Variants in TBC1D19 observed in about 807,000 individuals in gnomAD.
TBC1D19 encodes the protein TBC1 domain family member 19, also known as TBC1 domain family, member 19.
Under a neutral mutation model 89.0 loss-of-function variants are expected in TBC1D19, and 60 were observed. That is an observed-to-expected ratio of 0.67 (90% CI 0.55 to 0.84). TBC1D19 has a LOEUF of 0.84. TBC1D19 is among the 40% of genes least tolerant of loss of function. The pLI is 0.00. For synonymous variants in TBC1D19, 189 were observed against 199.7 expected, an observed-to-expected ratio of 0.95 and a Z score of 0.45; for missense variants, 500 against 610.8, an observed-to-expected ratio of 0.82 and a Z score of 1.91.
chr4:26,811,773 A>G, the TBC1D19 span, among the ~76,000 whole-genome samples: 1 of 152,214 alleles, frequency 6.6e-6, no homozygotes, highest in African/African-American at 2.4e-5. Flanking sequence ...ACTTCCTGAC[A>G]TTGCCATGGC....
chr4:26,765,360 G>T, the TBC1D19 span, among the ~76,000 whole-genome samples: 1 of 151,610 alleles, frequency 6.6e-6, no homozygotes, highest in Non-Finnish European at 1.5e-5. Flanking sequence ...TTTTAGTTAA[G>T]TGAGACTGTG....
chr4:26,690,789 G>C (rs1714205708), intron 13 of TBC1D19, among the ~76,000 whole-genome samples: 2 of 152,204 alleles, frequency 1.3e-5, no homozygotes, highest in Middle Eastern at 3.2e-3. Context: ...TGTACAAGGA[G>C]ATAAATGTTG....
chr4:26,736,614 TA>T (rs1357615110), intron 16 of TBC1D19, among the ~76,000 whole-genome samples: 1 of 152,242 alleles, frequency 6.6e-6, no homozygotes, highest in Non-Finnish European at 1.5e-5. Context: ...AAACTAGAGA[TA>T]CATATTAATA....
At chr4:26,777,035 G>C in the TBC1D19 span, among the ~76,000 whole-genome samples, 1 of 151,868 alleles carries the variant, frequency 6.6e-6, no homozygotes, top group Non-Finnish European at 1.5e-5. Flanking sequence ...TATAGTTGCA[G>C]AATTTATTTT....
chr4:26,584,173 T>A lies in TBC1D19; in HGVS notation c.-21T>A. ...GCGCCGGCGGCCTGTCCCCGCGGCTTGGCGGGCTAGGGCAGGGGAAATGTT... is the reference window on the plus strand; with the variant it reads ...GCGCCGGCGGCCTGTCCCCGCGGCTAGGCGGGCTAGGGCAGGGGAAATGTT... On this transcript the variant is annotated 5_prime_UTR_variant, in exon 1 of 21. Coordinates refer to ENST00000264866, the MANE Select transcript of TBC1D19 (RefSeq NM_018317.4). 6.2e-7 allele frequency: 1 copy of A among 1,602,744 alleles called. No individual in the cohort carries two copies. The highest frequency in any genetic ancestry group is 1.1e-5 in the South Asian group (1 of 88,874).
the TBC1D19 span, among the ~76,000 whole-genome samples, chr4:26,763,103 C>T: frequency 6.6e-6 from 1 of 152,120 alleles, no homozygotes; most frequent in South Asian, 2.1e-4. Context: ...GTTTTAATAA[C>T]CCTTTTTATA....
At chr4:26,654,224 A>G (rs1483281567) in intron 7 of TBC1D19, among the ~76,000 whole-genome samples, 3 of 152,156 alleles carry the variant, frequency 2.0e-5, no homozygotes, top group Non-Finnish European at 4.4e-5. Context: ...TGGCTTGTAG[A>G]GTTGCTGCTG....
downstream of TBC1D19, among the ~76,000 whole-genome samples, chr4:26,759,720 A>G (rs923587126): frequency 1.3e-5 from 2 of 152,156 alleles, no homozygotes; most frequent in Admixed American, 6.5e-5. Flanking sequence ...AATCATCCAT[A>G]TGTACTTTTT....
chr4:26,813,801 G>A, the TBC1D19 span, among the ~76,000 whole-genome samples: 1 of 152,188 alleles, frequency 6.6e-6, no homozygotes, highest in Non-Finnish European at 1.5e-5. Flanking sequence ...GGCAGCCCAT[G>A]AGGATGGCCT....
the TBC1D19 span, among the ~76,000 whole-genome samples, chr4:26,796,108 A>G: frequency 6.6e-6 from 1 of 152,216 alleles, no homozygotes; most frequent in Non-Finnish European, 1.5e-5. Context: ...TGTCTCCATC[A>G]TATGAATATA....
the TBC1D19 span, among the ~76,000 whole-genome samples, chr4:26,821,561 C>T: frequency 0.058 from 8,816 of 152,286 alleles, 886 homozygotes; most frequent in African/African-American, 0.2. Flanking sequence ...TTTCTGGGCT[C>T]TTGAAATCTC....
chr4:26,584,309 G>A lies in TBC1D19; in HGVS notation c.99+17G>A, dbSNP rs1448266978. On this transcript the variant is annotated intron_variant, in intron 1 of 20. Coordinates refer to ENST00000264866, the MANE Select transcript of TBC1D19 (RefSeq NM_018317.4). ...CAGGCCTGGGTAAGTGAGGCCGAGT[G>A]GGAAGGGATGCAGACGGGCGGGGCC... The A allele has an allele frequency of 6.3e-7, 1 of 1,598,992 alleles. No homozygotes were observed. Among genetic ancestry groups the A allele is most frequent in the Non-Finnish European group, 8.5e-7 (1 of 1,173,144 alleles).
intron 1 of TBC1D19, among the ~76,000 whole-genome samples, chr4:26,604,216 C>T (rs1237039978): frequency 2.1e-4 from 30 of 142,600 alleles, no homozygotes; most frequent in Non-Finnish European, 3.6e-4. Context: ...TGCAGTGGCG[C>T]GGTCTCGGCT....
chr4:26,621,698 A>G (rs1281676047), intron 4 of TBC1D19, among the ~76,000 whole-genome samples: 1 of 152,174 alleles, frequency 6.6e-6, no homozygotes, highest in Admixed American at 6.6e-5. Context: ...TATTTGAGGA[A>G]GTATATATTT....
intron 4 of TBC1D19, among the ~76,000 whole-genome samples, chr4:26,621,122 G>A (rs1742020309): frequency 6.6e-6 from 1 of 152,178 alleles, no homozygotes; most frequent in Non-Finnish European, 1.5e-5. Context: ...CCTATTAATT[G>A]TATGCTATTG....
chr4:26,576,933 T>C, intron 1 of TBC1D19: 1 of 441,538 alleles, frequency 2.3e-6, no homozygotes, highest in Non-Finnish European at 4.6e-6. Flanking sequence ...AACAGTAATC[T>C]AGGTGTTGCT....
intron 13 of TBC1D19, among the ~76,000 whole-genome samples, chr4:26,698,395 C>T (rs1444592381): frequency 3.3e-5 from 5 of 152,170 alleles, no homozygotes; most frequent in African/African-American, 9.7e-5. Flanking sequence ...ATTCCATGCT[C>T]ATGGATAGGA....
chr4:26,854,341 A>C, the TBC1D19 span, among the ~76,000 whole-genome samples: 1 of 152,176 alleles, frequency 6.6e-6, no homozygotes. Context: ...TTTTGATCTT[A>C]GCACCTAATA....
At chr4:26,745,074 A>C (rs1365412457) in intron 18 of TBC1D19, among the ~76,000 whole-genome samples, 1 of 152,092 alleles carries the variant, frequency 6.6e-6, no homozygotes, top group Non-Finnish European at 1.5e-5. Context: ...CTTTATTATT[A>C]TATAATGTCC....
Sources: gnomAD v4.1 joint callset for allele counts (sites outside exome capture counted in the v4.1 genomes callset) on GRCh38, gnomAD v4.1.1 for gene constraint, MANE v1.5 for transcripts, NCBI Gene and HGNC (gene_info 2026-07-23, HGNC 2026-07-21) for gene names.